Variants in SLC44A1 observed in about 807,000 individuals in gnomAD.
The protein encoded by SLC44A1 is choline transporter-like protein 1.
A neutral mutation model predicts 79.3 loss-of-function variants in SLC44A1; 26 were observed. The observed-to-expected ratio is 0.33, with a 90% CI of 0.24 to 0.46. The LOEUF (loss-of-function observed/expected upper bound fraction) is 0.46, where lower values mean the gene tolerates loss of function less well. SLC44A1 is among the 20% of genes least tolerant of loss of function. The pLI, the probability that SLC44A1 is intolerant of heterozygous loss-of-function variation, is 1.00. For synonymous variants in SLC44A1, 263 were observed against 286.2 expected, an observed-to-expected ratio of 0.92 and a Z score of 0.82; for missense variants, 688 against 798.1, an observed-to-expected ratio of 0.86 and a Z score of 1.66.
At chr9:105,272,270 A>G (rs1018507217) in intron 1 of SLC44A1, among the ~76,000 whole-genome samples, 3 of 152,152 alleles carry the variant, frequency 2.0e-5, no homozygotes, top group Middle Eastern at 3.2e-3. Flanking sequence ...TGTCTTCTTT[A>G]TATCTCCTAC....
rs1827917051 is a variant in SLC44A1 at position 105,365,616 on chromosome 9, A to G, written c.1387A>G (p.Ile463Val). The stretch of plus-strand genomic sequence containing the variant: ...AATTCCGCGAATGATCCTTATGTAT[A>G]TTCACAGTCAGCTCAAAGGAAAGGT... ...VKIPRMILMY[I>V]HSQLKGKENA... The change falls in exon 11 of 16, where the codon ATT becomes GTT. Residue 463 changes from isoleucine (I) to valine (V), a missense_variant. Physicochemically the swap from Ile to Val is conservative, Grantham distance 29. Transcript: ENST00000374720. 1 of 1,613,714 alleles carries G rather than the reference A, an allele frequency of 6.2e-7. No individual in the cohort carries two copies. The highest frequency in any genetic ancestry group is 1.3e-5 in the African/African-American group (1 of 74,928).
chr9:105,380,665 A>G (rs956778611), intron 13 of SLC44A1, among the ~76,000 whole-genome samples: 1 of 152,180 alleles, frequency 6.6e-6, no homozygotes, highest in African/African-American at 2.4e-5. Context: ...AATGTATGAG[A>G]AATATAATAG....
intron 1 of SLC44A1, among the ~76,000 whole-genome samples, chr9:105,265,460 A>G (rs1400079050): frequency 6.6e-6 from 1 of 152,218 alleles, no homozygotes; most frequent in Non-Finnish European, 1.5e-5. Context: ...ATGCTATTGC[A>G]TGCATCAATA....
chr9:105,411,521 T>G (rs558188395), intron 15 of SLC44A1, among the ~76,000 whole-genome samples: 12 of 151,764 alleles, frequency 7.9e-5, no homozygotes, highest in Admixed American at 7.9e-4. Context: ...TTTTAACAGT[T>G]GTCCCACTAA....
chr9:105,329,366 A>C (rs544236852), intron 3 of SLC44A1, among the ~76,000 whole-genome samples: 1 of 152,210 alleles, frequency 6.6e-6, no homozygotes, highest in East Asian at 1.9e-4. Flanking sequence ...CTGATTGGAG[A>C]GGAGAGCAGC....
At chr9:105,293,523 T>G (rs932669119) in intron 1 of SLC44A1, among the ~76,000 whole-genome samples, 1 of 152,216 alleles carries the variant, frequency 6.6e-6, no homozygotes, top group Non-Finnish European at 1.5e-5. Context: ...GCTTGTCTGA[T>G]CTTTTGATAC....
chr9:105,328,634 T>C (rs1826655664), intron 3 of SLC44A1, among the ~76,000 whole-genome samples: 1 of 152,182 alleles, frequency 6.6e-6, no homozygotes, highest in Admixed American at 6.5e-5. Context: ...CAGCTCTCAG[T>C]GCTGTGAATT....
chr9:105,430,268 T>A (rs759332049), intron 15 of SLC44A1, among the ~76,000 whole-genome samples: 8 of 152,330 alleles, frequency 5.3e-5, no homozygotes, highest in Non-Finnish European at 7.3e-5. Context: ...TTCTCTTTTT[T>A]AAAAAATTAA....
At chr9:105,351,658 G>GAAAGAAAGA (rs1445720721) in intron 5 of SLC44A1, among the ~76,000 whole-genome samples, 4 of 149,810 alleles carry the variant, frequency 2.7e-5, no homozygotes, top group Non-Finnish European at 5.9e-5. Context: ...AAGAAAGAAA[G>GAAAGAAAGA]AAAGAAAGAA....
intron 5 of SLC44A1, among the ~76,000 whole-genome samples, chr9:105,351,596 GAGAAAGAAA>G (rs1827427331): frequency 8.8e-6 from 1 of 113,458 alleles, no homozygotes; most frequent in African/African-American, 4.5e-5. Flanking sequence ...AAGAGAGAAA[GAGAAAGAAA>G]GAAAGAAAGA....
At position 105,393,300 on chromosome 9, in the gene SLC44A1, T is replaced by G; in HGVS notation, c.*4244T>G. ...TACACAGTAGCTTCTTGGAATTAAC[T>G]CATCTTTGTTAACTTAGTGGCACAT... On this transcript the variant is annotated 3_prime_UTR_variant, in exon 16 of 16. Coordinates refer to ENST00000374720, the MANE Select transcript of SLC44A1 (RefSeq NM_080546.5). 1 of 985,464 alleles carries G rather than the reference T, an allele frequency of 1.0e-6. No individual in the cohort carries two copies. The highest frequency in any genetic ancestry group is 1.2e-6 in the Non-Finnish European group (1 of 829,926). The allele number at this position is 985,464 out of a possible 1,614,324, so 61.0% of individuals were successfully genotyped here.
At chr9:105,414,497 T>G (rs1305140704) in intron 15 of SLC44A1, among the ~76,000 whole-genome samples, 1 of 152,246 alleles carries the variant, frequency 6.6e-6, no homozygotes, top group South Asian at 2.1e-4. Context: ...TGTTGTAATT[T>G]ATTTGTAGCA....
intron 13 of SLC44A1, among the ~76,000 whole-genome samples, chr9:105,382,861 G>A (rs1162682283): frequency 1.3e-5 from 2 of 151,906 alleles, no homozygotes; most frequent in Non-Finnish European, 2.9e-5. Context: ...TAAGTTTTAG[G>A]GTGCAGCATA....
At chr9:105,328,871 C>T (rs1458475335) in intron 3 of SLC44A1, among the ~76,000 whole-genome samples, 1 of 152,196 alleles carries the variant, frequency 6.6e-6, no homozygotes, top group Non-Finnish European at 1.5e-5. Flanking sequence ...AGGCACACCC[C>T]TGTCAGCAAC....
At chr9:105,416,728 G>A (rs776607269) in intron 15 of SLC44A1, among the ~76,000 whole-genome samples, 1 of 152,224 alleles carries the variant, frequency 6.6e-6, no homozygotes, top group East Asian at 1.9e-4. Context: ...GTCAGGCCAC[G>A]TCTCACCCAC....
chr9:105,382,966 A>G (rs1451177438), intron 13 of SLC44A1, among the ~76,000 whole-genome samples, 157 bp from the exon 14 acceptor site: 2 of 152,228 alleles, frequency 1.3e-5, no homozygotes, highest in East Asian at 3.8e-4. Context: ...CTCTGGGTGT[A>G]TATGAGAATA....
intron 3 of SLC44A1, among the ~76,000 whole-genome samples, chr9:105,325,753 C>A (rs1199605674): frequency 2.6e-5 from 4 of 152,270 alleles, no homozygotes; most frequent in African/African-American, 4.8e-5. Context: ...AATATTTATA[C>A]CATAACAGAT....
chr9:105,327,029 C>A (rs990161702), intron 3 of SLC44A1, among the ~76,000 whole-genome samples: 1 of 152,160 alleles, frequency 6.6e-6, no homozygotes, highest in Non-Finnish European at 1.5e-5. Context: ...GTCTGAGATG[C>A]TAAGCATTAT....
At chr9:105,433,573 G>A (rs1321452671) in intron 15 of SLC44A1, among the ~76,000 whole-genome samples, 1 of 151,968 alleles carries the variant, frequency 6.6e-6, no homozygotes, top group Non-Finnish European at 1.5e-5. Flanking sequence ...ATTAAGTCAG[G>A]GGGATTAAGA....
Sources: allele counts gnomAD v4.1 joint callset (sites outside exome capture counted in the v4.1 genomes callset), GRCh38; gene constraint gnomAD v4.1.1; transcripts MANE v1.5; gene names NCBI Gene and HGNC (gene_info 2026-07-23, HGNC 2026-07-21).